SHPRH: variants seen among roughly 807,000 people sequenced by gnomAD.
SHPRH encodes E3 ubiquitin-protein ligase SHPRH.
A neutral mutation model predicts 202.5 loss-of-function variants in SHPRH; 106 were observed. That is an observed-to-expected ratio of 0.52 (90% CI 0.45 to 0.62). The LOEUF is 0.62. Among genes scored for constraint, SHPRH ranks in the 20% least tolerant of loss-of-function variants. The pLI, the probability that SHPRH is intolerant of heterozygous loss-of-function variation, is 0.00. For missense variants in SHPRH, 1,710 were observed against 2,020.0 expected (o/e 0.85, Z 2.94); for synonymous variants, 729 against 686.0 (o/e 1.06, Z -0.98).
Position 145,922,946 on chromosome 6 carries a change from T to G in SHPRH, c.3546-110A>C, listed in dbSNP as rs897744956. 120 of 545,790 alleles carry G rather than the reference T, an allele frequency of 2.2e-4. 1 individual carries two copies. Among genetic ancestry groups the G allele is most frequent in the Admixed American group, 7.1e-4 (6 of 8,404 alleles). The allele number at this position is 545,790 out of a possible 1,614,324, so 33.8% of individuals were successfully genotyped here. ...AAAGTGTTAAAGAAACTGTTTGCTG[T>G]TTTTTTTTTTTTTAACAGCAACATT... On this transcript the variant is annotated intron_variant, in intron 18 of 29. Transcript: ENST00000275233.
chr6:145,946,090 T>G (rs1278816009), intron 7 of SHPRH, 143 bp downstream of exon 7: 1 of 587,862 alleles, frequency 1.7e-6, no homozygotes. Context: ...ATATTATGAC[T>G]TGTAATTGAA....
Position 145,934,898 on chromosome 6 carries a change from T to A in SHPRH, c.2990+9A>T. ...CCAACTGCAATTAAAAAAAAGTTGA[T>A]AATAAAACCTTTTTTGGAGTGGCAA... On this transcript the variant is annotated intron_variant, in intron 13 of 29. Transcript: ENST00000275233. 1.3e-6 allele frequency: 2 copies of A among 1,582,858 alleles called. No homozygotes were observed. The highest frequency in any genetic ancestry group is 1.1e-5 in the South Asian group (1 of 87,404).
chr6:145,928,658 T>G (rs572314003), intron 14 of SHPRH, among the ~76,000 whole-genome samples: 2 of 152,076 alleles, frequency 1.3e-5, no homozygotes, highest in African/African-American at 2.4e-5. Context: ...TCAGCCCTTT[T>G]TAAGTGTGTA....
chr6:145,962,783 A>G lies in SHPRH; in HGVS notation c.-33+948T>C, dbSNP rs17075544. 4.2e-3 allele frequency among the ~76,000 whole-genome samples: 635 copies of G among 152,326 alleles called. 18 individuals are homozygous for G. The East Asian group carries it at 0.071, about 17-fold the overall frequency. On this transcript the variant is annotated intron_variant, in intron 1 of 29. Transcript: ENST00000275233. ...TGTGTTATGGAAATGAAGCCCACTC[A>G]TTACTAAGTACTAGGAAGCTCTTAA...
chr6:145,962,857 G>A (rs1033273551), intron 1 of SHPRH, among the ~76,000 whole-genome samples: 1 of 152,174 alleles, frequency 6.6e-6, no homozygotes, highest in African/African-American at 2.4e-5. Flanking sequence ...AATAATTCCA[G>A]CAAGGTGAGA....
At chr6:145,882,930 A>G (rs9390361), downstream of SHPRH, among the ~76,000 whole-genome samples, 691 of 152,306 alleles carry the variant, frequency 4.5e-3, 28 homozygotes, top group East Asian at 0.081. Flanking sequence ...AACTGTGTGC[A>G]TATACAAATC....
At chr6:145,915,755 T>A (rs1272879630) in intron 23 of SHPRH, among the ~76,000 whole-genome samples, 1 of 152,030 alleles carries the variant, frequency 6.6e-6, no homozygotes, top group Non-Finnish European at 1.5e-5. Context: ...TTATTTCTAT[T>A]TTTCATTATT....
At chr6:145,930,923 C>G (rs1017837884) in intron 14 of SHPRH, among the ~76,000 whole-genome samples, 5 of 151,878 alleles carry the variant, frequency 3.3e-5, no homozygotes, top group Non-Finnish European at 5.9e-5. Context: ...GAATTTTTTT[C>G]TCTAGTGATA....
intron 2 of SHPRH, among the ~76,000 whole-genome samples, chr6:145,875,209 T>C (rs996812089): frequency 1.3e-5 from 2 of 152,106 alleles, no homozygotes; most frequent in Admixed American, 6.5e-5. Flanking sequence ...CAGTGGTTCT[T>C]GATTTAAGCC....
intron 25 of SHPRH, among the ~76,000 whole-genome samples, chr6:145,896,274 T>C (rs1226608403): frequency 6.6e-6 from 1 of 152,200 alleles, no homozygotes; most frequent in East Asian, 1.9e-4. Context: ...TTCAGTCTAA[T>C]AATTATCTCA....
intron 29 of SHPRH, among the ~76,000 whole-genome samples, chr6:145,887,056 G>A (rs776621190): frequency 2.0e-5 from 3 of 152,030 alleles, no homozygotes; most frequent in Non-Finnish European, 4.4e-5. Flanking sequence ...TGCTACTAAG[G>A]CTCTCACCTT....
At chr6:145,938,572 G>A (rs1172091464) in intron 11 of SHPRH, among the ~76,000 whole-genome samples, 1 of 151,930 alleles carries the variant, frequency 6.6e-6, no homozygotes, top group Non-Finnish European at 1.5e-5. Context: ...CTACATAAAT[G>A]GAAAATAAAA....
At chr6:145,868,672 C>A (rs1583252472) in intron 2 of SHPRH, among the ~76,000 whole-genome samples, 2 of 152,162 alleles carry the variant, frequency 1.3e-5, no homozygotes, top group African/African-American at 4.8e-5. Context: ...GTTTTTTATA[C>A]TTCATCCCTC....
chr6:145,943,478 A>G lies in SHPRH; in HGVS notation c.1903T>C (p.Ser635Pro). ...ACATCACTATCAGCATGATTTAGAGATTCAGCACAGTCCTCTGTTTCATGT... is the reference window on the plus strand; with the variant it reads ...ACATCACTATCAGCATGATTTAGAGGTTCAGCACAGTCCTCTGTTTCATGT... ...QEHETEDCAE[S>P]LNHADSDVPP... The change falls in exon 9 of 30, where the codon TCT becomes CCT. Residue 635 changes from serine (S) to proline (P), a missense_variant. Ser to Pro is a moderately conservative substitution (Grantham distance 74). Around this residue, in one of 8 missense-constraint regions of SHPRH, gnomAD observed 348 missense variants for 356.9 expected, o/e 0.97. Transcript: ENST00000275233. 5 of 1,614,030 alleles carry G rather than the reference A, an allele frequency of 3.1e-6. No individual in the cohort carries two copies. The highest frequency in any genetic ancestry group is 4.2e-6 in the Non-Finnish European group (5 of 1,179,952).
At position 145,894,119 on chromosome 6, in the gene SHPRH, C is replaced by T. The variant is rs779141231; in HGVS notation, c.4695+31G>A. 24 of 1,548,588 alleles carry T rather than the reference C, an allele frequency of 1.5e-5. No homozygotes were observed. The African/African-American group carries it at 3.2e-4, about 21-fold the overall frequency. On this transcript the variant is annotated intron_variant, in intron 27 of 29. Coordinates refer to ENST00000275233, the MANE Select transcript of SHPRH (RefSeq NM_001042683.3). ...CAGTTTAAATTTGCAACTGTATCCACTACAAAAACCGGAGTAAAATCTTAA... is the reference window on the plus strand; with the variant it reads ...CAGTTTAAATTTGCAACTGTATCCATTACAAAAACCGGAGTAAAATCTTAA...
At chr6:145,863,915 T>C (rs538255085), downstream of SHPRH, among the ~76,000 whole-genome samples, 1 of 152,354 alleles carries the variant, frequency 6.6e-6, no homozygotes, top group Non-Finnish European at 1.5e-5. Flanking sequence ...TCATAGTGTA[T>C]TACTAGCAAA....
downstream of SHPRH, among the ~76,000 whole-genome samples, chr6:145,861,009 G>T (rs1779561593): frequency 6.6e-6 from 1 of 152,094 alleles, no homozygotes; most frequent in African/African-American, 2.4e-5. Context: ...ATACTTACAT[G>T]TAGAACTGGA....
intron 14 of SHPRH, among the ~76,000 whole-genome samples, chr6:145,932,477 T>G (rs903304476): frequency 6.6e-6 from 1 of 151,706 alleles, no homozygotes; most frequent in South Asian, 2.1e-4. Context: ...GTGCATAATA[T>G]ATAACACTAT....
At chr6:145,879,410 C>A (rs1780450948) in intron 2 of SHPRH, among the ~76,000 whole-genome samples, 1 of 151,998 alleles carries the variant, frequency 6.6e-6, no homozygotes, top group Non-Finnish European at 1.5e-5. Flanking sequence ...AAAAACAAAC[C>A]TAAAACAGAA....
Sources: gnomAD v4.1 joint callset for allele counts (sites outside exome capture counted in the v4.1 genomes callset) on GRCh38, gnomAD v4.1.1 for gene constraint, gnomAD v4.1.1 regional missense constraint, MANE v1.5 for transcripts, NCBI Gene and HGNC (gene_info 2026-07-23, HGNC 2026-07-21) for gene names.